Variants in DIAPH2 observed in about 807,000 individuals in gnomAD.
The protein encoded by DIAPH2 is diaphanous related formin 2, also known as protein diaphanous homolog 2.
DIAPH2 carries 35 observed loss-of-function variants against 92.7 expected under a neutral mutation model. The ratio of observed to expected loss-of-function variants is 0.38; its 90% confidence interval spans 0.29 to 0.50. The LOEUF (loss-of-function observed/expected upper bound fraction) is 0.50. Among genes scored for constraint, DIAPH2 ranks in the 20% least tolerant of loss-of-function variants. The pLI, the probability that DIAPH2 is intolerant of heterozygous loss-of-function variation, is 0.94. For synonymous variants in DIAPH2, 301 were observed against 280.4 expected (o/e 1.07, Z -0.73); for missense variants, 701 against 819.5 (o/e 0.86, Z 1.77).
intron 4 of DIAPH2, among the ~76,000 whole-genome samples, chrX:96,853,691 T>C (rs1206507619): frequency 8.9e-6 from 1 of 112,144 alleles, no homozygotes. Context: ...TGTAAAACTT[T>C]CTTAAGCATT....
chrX:97,100,034 T>C (rs769416946), intron 20 of DIAPH2, among the ~76,000 whole-genome samples: 25 of 111,754 alleles, frequency 2.2e-4, no homozygotes, highest in Non-Finnish European at 4.7e-4. Flanking sequence ...CAGGGGATCT[T>C]TTGAATAACA....
At chrX:97,435,514 T>C (rs191899774) in intron 26 of DIAPH2, among the ~76,000 whole-genome samples, 149 of 111,943 alleles carry the variant, frequency 1.3e-3, no homozygotes, top group Middle Eastern at 4.6e-3. Context: ...TTTGTGTCTG[T>C]ATAATATGGG....
chrX:96,688,218 T>C lies in DIAPH2; in HGVS notation c.132+3028T>C, dbSNP rs750224652. On this transcript the variant is annotated intron_variant, in intron 1 of 26. Coordinates refer to ENST00000324765, the MANE Select transcript of DIAPH2 (RefSeq NM_006729.5). ...TTTTGCATTTTTGACTTTGTGTTCC[T>C]GCATAATTTCTGAAGCCTTTGGTTC... Among the ~76,000 whole-genome samples the C allele has an allele frequency of 3.5e-5, 4 of 112,924 alleles. No individual in the cohort carries two copies. In the South Asian group the frequency reaches 1.4e-3, roughly 41 times the overall value.
chrX:96,693,728 T>C (rs1387450963), intron 1 of DIAPH2, among the ~76,000 whole-genome samples: 1 of 112,532 alleles, frequency 8.9e-6, no homozygotes, highest in Non-Finnish European at 1.9e-5. Flanking sequence ...TTTAGTCTCA[T>C]ACCTGATAAG....
At chrX:97,400,633 T>A (rs2069747006) in intron 25 of DIAPH2, among the ~76,000 whole-genome samples, 2 of 111,089 alleles carry the variant, frequency 1.8e-5, no homozygotes, top group South Asian at 7.7e-4. Flanking sequence ...AACTTATTCA[T>A]CCTGTCTAAC....
At chrX:96,837,718 T>C (rs775362365) in intron 4 of DIAPH2, among the ~76,000 whole-genome samples, 42 of 111,407 alleles carry the variant, frequency 3.8e-4, no homozygotes, top group African/African-American at 1.3e-3. Context: ...GGAACAGATA[T>C]ATTGTATCAT....
chrX:96,943,805 G>A (rs1407675087), intron 13 of DIAPH2, among the ~76,000 whole-genome samples: 1 of 111,385 alleles, frequency 9.0e-6, no homozygotes, highest in Non-Finnish European at 1.9e-5. Context: ...AATCAAAAGT[G>A]TTGGGTGAGG....
intron 21 of DIAPH2, among the ~76,000 whole-genome samples, chrX:97,135,193 CTTTGTTTTGT>C (rs142293489): frequency 1.9e-5 from 2 of 107,274 alleles, no homozygotes; most frequent in African/African-American, 3.3e-5. Context: ...AGTAGTTTTG[CTTTGTTTTGT>C]TTTGTTTTGT....
chrX:96,773,882 AAAAT>A (rs2064357712), intron 4 of DIAPH2, among the ~76,000 whole-genome samples: 2 of 111,302 alleles, frequency 1.8e-5, no homozygotes, highest in Non-Finnish European at 3.8e-5. Context: ...ACAAAACAAA[AAAAT>A]AAAGGGACAA....
chrX:97,495,198 GT>G (rs2070750666), intron 26 of DIAPH2, among the ~76,000 whole-genome samples: 1 of 111,850 alleles, frequency 8.9e-6, no homozygotes, highest in South Asian at 3.8e-4. Flanking sequence ...TTTCAGTAGA[GT>G]TTTTTCAGTT....
At chrX:97,350,174 G>A (rs2069198793) in intron 24 of DIAPH2, among the ~76,000 whole-genome samples, 1 of 110,374 alleles carries the variant, frequency 9.1e-6, no homozygotes, top group Non-Finnish European at 1.9e-5. Flanking sequence ...GCCGGTCGTG[G>A]TGGCGGGTGC....
At position 96,939,408 on chromosome X, in the gene DIAPH2, T is replaced by G. The variant is rs373146554; in HGVS notation, c.1325+26T>G. 11 of 669,427 alleles carry G rather than the reference T, an allele frequency of 1.6e-5. No homozygotes were observed. In the African/African-American group the frequency reaches 2.3e-4, roughly 14 times the overall value. The allele number at this position is 669,427 out of a possible 1,213,427, so 55.2% of individuals were successfully genotyped here. On this transcript the variant is annotated intron_variant, in intron 12 of 26. Coordinates refer to ENST00000324765, the MANE Select transcript of DIAPH2 (RefSeq NM_006729.5). ...GTAAGAGGCAGTTCTGAGAGTACTA[T>G]ATTTATAATTTGAATCGGATATTAA...
At chrX:97,405,868 G>A (rs1166163584) in intron 25 of DIAPH2, among the ~76,000 whole-genome samples, 1 of 111,421 alleles carries the variant, frequency 9.0e-6, no homozygotes, top group Non-Finnish European at 1.9e-5. Flanking sequence ...ACTTTTTGTT[G>A]TGGATGAAAC....
chrX:96,991,031 GT>G (rs756750404), intron 17 of DIAPH2, among the ~76,000 whole-genome samples: 9 of 110,791 alleles, frequency 8.1e-5, no homozygotes, highest in Non-Finnish European at 1.5e-4. Flanking sequence ...CATTTACTCT[GT>G]GCTAAGCATT....
chrX:96,901,074 G>A (rs992549635), intron 5 of DIAPH2, among the ~76,000 whole-genome samples: 1 of 111,460 alleles, frequency 9.0e-6, no homozygotes, highest in Non-Finnish European at 1.9e-5. Context: ...ATTCAGTTGT[G>A]AGTCCATCTG....
chrX:96,861,582 C>T (rs1024835544), intron 4 of DIAPH2, among the ~76,000 whole-genome samples: 2 of 111,983 alleles, frequency 1.8e-5, no homozygotes, highest in African/African-American at 6.5e-5. Context: ...TCCATCCTTA[C>T]CCCCTTTCTT....
At chrX:96,724,269 A>C (rs924977417) in intron 1 of DIAPH2, among the ~76,000 whole-genome samples, 20 of 111,289 alleles carry the variant, frequency 1.8e-4, no homozygotes, top group Non-Finnish European at 3.4e-4. Flanking sequence ...TTTTTCAGTG[A>C]TCTACTGACT....
At chrX:97,306,641 T>C (rs2068749623) in intron 23 of DIAPH2, among the ~76,000 whole-genome samples, 1 of 111,855 alleles carries the variant, frequency 8.9e-6, no homozygotes, top group Admixed American at 9.6e-5. Context: ...ATTTTCCTTC[T>C]TCTCCACATG....
At chrX:97,088,433 G>A (rs1260562220) in intron 19 of DIAPH2, among the ~76,000 whole-genome samples, 1 of 112,167 alleles carries the variant, frequency 8.9e-6, no homozygotes, top group Non-Finnish European at 1.9e-5. Flanking sequence ...ATTCTGAGCT[G>A]TATCATAAGC....
Sources: gnomAD v4.1 joint callset for allele counts (sites outside exome capture counted in the v4.1 genomes callset) on GRCh38, gnomAD v4.1.1 for gene constraint, MANE v1.5 for transcripts, NCBI Gene and HGNC (gene_info 2026-07-23, HGNC 2026-07-21) for gene names.